Variants in IPCEF1 observed in about 807,000 individuals in gnomAD.
IPCEF1 encodes the protein interaction protein for cytohesin exchange factors 1.
In IPCEF1, 31 loss-of-function variants were observed where a neutral mutation model predicts 50.9. The observed-to-expected ratio is 0.61, with a 90% confidence interval of 0.46 to 0.82. IPCEF1 has a LOEUF of 0.82. Ranked by LOEUF, IPCEF1 falls within the 40% of genes least tolerant of loss-of-function variation. The pLI, the probability that IPCEF1 is intolerant of heterozygous loss-of-function variation, is 0.00. For missense variants in IPCEF1, 458 were observed against 514.0 expected (o/e 0.89, Z 1.05); for synonymous variants, 181 against 192.0 (o/e 0.94, Z 0.47).
chr6:154,261,215 G>A (rs1396837804), intron 3 of IPCEF1, among the ~76,000 whole-genome samples: 2 of 151,898 alleles, frequency 1.3e-5, no homozygotes, highest in Middle Eastern at 3.2e-3. Flanking sequence ...TTGTAAAGAT[G>A]GGGTCTCCCT....
intron 5 of IPCEF1, among the ~76,000 whole-genome samples, chr6:154,225,109 T>C (rs1779151546): frequency 6.6e-6 from 1 of 152,210 alleles, no homozygotes; most frequent in Non-Finnish European, 1.5e-5. Context: ...ATTTTTCTGA[T>C]TTGGGGATAT....
intron 1 of IPCEF1, among the ~76,000 whole-genome samples, chr6:154,327,589 C>G (rs1783553729): frequency 6.6e-6 from 1 of 152,036 alleles, no homozygotes. Context: ...GGTGAAGTTG[C>G]TGAGAAAAAG....
At chr6:154,215,963 T>C (rs757504581) in intron 7 of IPCEF1, among the ~76,000 whole-genome samples, 10 of 152,206 alleles carry the variant, frequency 6.6e-5, no homozygotes, top group Non-Finnish European at 1.0e-4. Flanking sequence ...TTAAAAATAT[T>C]ATTGATTTCA....
chr6:154,228,368 T>G (rs1017657684), intron 5 of IPCEF1, among the ~76,000 whole-genome samples: 2 of 152,182 alleles, frequency 1.3e-5, no homozygotes, highest in African/African-American at 4.8e-5. Context: ...CTCGAAATCC[T>G]GATGTAATAA....
intron 9 of IPCEF1, among the ~76,000 whole-genome samples, chr6:154,207,021 G>A (rs1332680790): frequency 6.6e-6 from 1 of 152,216 alleles, no homozygotes; most frequent in Admixed American, 6.5e-5. Context: ...GATCAGAACC[G>A]CATCTTAGGA....
At chr6:154,199,637 C>G (rs759986941) in intron 10 of IPCEF1, 31 bp downstream of exon 10, 2 of 1,546,078 alleles carry the variant, frequency 1.3e-6, no homozygotes, top group Non-Finnish European at 1.7e-6. Context: ...TATTCACTCT[C>G]TAACGAAGAA....
chr6:154,189,015 CTACTT>C (rs1801627587), intron 10 of IPCEF1, among the ~76,000 whole-genome samples: 1 of 152,046 alleles, frequency 6.6e-6, no homozygotes, highest in South Asian at 2.1e-4. Flanking sequence ...TTAAAAGATA[CTACTT>C]TACAAGAAAA....
chr6:154,327,762 C>A (rs994118905), intron 1 of IPCEF1, among the ~76,000 whole-genome samples: 3 of 152,170 alleles, frequency 2.0e-5, no homozygotes, highest in African/African-American at 7.2e-5. Context: ...TATAAAGATA[C>A]ATGCACACAT....
chr6:154,203,297 T>G (rs1467007376), intron 9 of IPCEF1, among the ~76,000 whole-genome samples: 1 of 152,174 alleles, frequency 6.6e-6, no homozygotes, highest in African/African-American at 2.4e-5. Flanking sequence ...AAGCCTTCTC[T>G]GATAGTCTCG....
intron 5 of IPCEF1, among the ~76,000 whole-genome samples, chr6:154,234,611 A>G (rs192040193): frequency 6.6e-6 from 1 of 152,332 alleles, no homozygotes; most frequent in Admixed American, 6.5e-5. Flanking sequence ...ACATTACGTC[A>G]TATTTAGGTG....
intron 1 of IPCEF1, among the ~76,000 whole-genome samples, chr6:154,354,631 A>G (rs1210145202): frequency 6.6e-6 from 1 of 150,488 alleles, no homozygotes; most frequent in African/African-American, 2.4e-5. Context: ...CACCACTTCC[A>G]ACACCACCCC....
chr6:154,318,321 C>A (rs1010232606), intron 1 of IPCEF1, among the ~76,000 whole-genome samples: 1 of 152,100 alleles, frequency 6.6e-6, no homozygotes, highest in East Asian at 1.9e-4. Context: ...GTGCCTTTCA[C>A]TACATGAAGA....
intron 1 of IPCEF1, among the ~76,000 whole-genome samples, chr6:154,351,352 C>G (rs892152409): frequency 2.0e-5 from 3 of 152,286 alleles, no homozygotes; most frequent in Non-Finnish European, 2.9e-5. Flanking sequence ...GAGGTCCCCC[C>G]AGTCCCCTTT....
At chr6:154,217,581 T>C (rs1397149549) in intron 7 of IPCEF1, 2 of 152,040 alleles carry the variant, frequency 1.3e-5, no homozygotes, top group African/African-American at 2.4e-5. Context: ...AATTAGAAAG[T>C]GAGGTGAGGA....
chr6:154,276,572 G>A (rs568581420), intron 2 of IPCEF1, among the ~76,000 whole-genome samples: 204 of 152,282 alleles, frequency 1.3e-3, no homozygotes, highest in African/African-American at 4.6e-3. Flanking sequence ...GTGAAAAAAC[G>A]AATATACAGA....
At chr6:154,198,959 T>A (rs1776852396) in intron 10 of IPCEF1, among the ~76,000 whole-genome samples, 1 of 152,118 alleles carries the variant, frequency 6.6e-6, no homozygotes, top group South Asian at 2.1e-4. Flanking sequence ...TAGCGCACAA[T>A]CAGAAAAGAT....
At chr6:154,271,945 C>T (rs768309232) in intron 2 of IPCEF1, among the ~76,000 whole-genome samples, 1 of 152,222 alleles carries the variant, frequency 6.6e-6, no homozygotes, top group Non-Finnish European at 1.5e-5. Context: ...TTTGATTGTG[C>T]TATTGCACTC....
intron 3 of IPCEF1, among the ~76,000 whole-genome samples, chr6:154,260,584 T>C (rs1056584344): frequency 1.3e-5 from 2 of 151,930 alleles, no homozygotes; most frequent in African/African-American, 4.8e-5. Flanking sequence ...GTGATTCTCC[T>C]GCCTTAGCCT....
At chr6:154,262,245 T>C (rs7761411) in intron 3 of IPCEF1, among the ~76,000 whole-genome samples, 62,756 of 152,194 alleles carry the variant, frequency 0.41, 13,760 homozygotes, top group Middle Eastern at 0.54. Flanking sequence ...ATAGCCAGTT[T>C]CCACTAATAA....
Sources: gnomAD v4.1 joint callset for allele counts (sites outside exome capture counted in the v4.1 genomes callset) on GRCh38, gnomAD v4.1.1 for gene constraint, MANE v1.5 for transcripts, NCBI Gene and HGNC (gene_info 2026-07-23, HGNC 2026-07-21) for gene names.